PITPNM2: variants seen among roughly 807,000 people sequenced by gnomAD.
PITPNM2 encodes membrane-associated phosphatidylinositol transfer protein 2.
In PITPNM2, 35 loss-of-function variants were observed where a neutral mutation model predicts 132.2. That is an observed-to-expected ratio of 0.26 (90% CI 0.20 to 0.35). The LOEUF (loss-of-function observed/expected upper bound fraction) is 0.35, where lower values mean the gene tolerates loss of function less well. Ranked by LOEUF, PITPNM2 falls within the 10% of genes least tolerant of loss-of-function variation. PITPNM2 has a pLI of 1.00. For missense variants in PITPNM2, 1,332 were observed against 1,912.0 expected (o/e 0.70, Z 5.66); for synonymous variants, 738 against 799.2 (o/e 0.92, Z 1.29).
intron 1 of PITPNM2, among the ~76,000 whole-genome samples, chr12:123,127,576 C>A (rs1271233637): frequency 6.6e-6 from 1 of 151,568 alleles, no homozygotes. Context: ...TTGCAACCTC[C>A]TATCTGAGAG....
chr12:123,017,798 G>C (rs972998776), intron 3 of PITPNM2, among the ~76,000 whole-genome samples: 2 of 152,174 alleles, frequency 1.3e-5, no homozygotes, highest in African/African-American at 2.4e-5. Flanking sequence ...CATTTACATG[G>C]AAAGTACAGA....
chr12:123,009,856 C>G lies in PITPNM2; in HGVS notation c.637G>C (p.Asp213His). Residue 213 changes from aspartate (D) to histidine (H), a missense_variant, in exon 6 of 26, where the codon GAC becomes CAC. Physicochemically the swap from Asp to His is moderately conservative, Grantham distance 81 (BLOSUM62 -1). Coordinates refer to ENST00000320201, the MANE Select transcript of PITPNM2 (RefSeq NM_020845.3). The surrounding 1 kb of genome is among the most constrained non-coding windows in gnomAD (Gnocchi z 4.8). ...CTGGCATGGGTGTGCTCACCGGTGT[C>G]GTGGATGAACCTCTCGATCTTGGAC... ...MQSKIERFIH[D>H]TGLRRVMVRA... is the part of the protein sequence containing the mutation. The G allele has an allele frequency of 1.2e-6, 2 of 1,614,032 alleles. No homozygotes were observed. Among genetic ancestry groups the G allele is most frequent in the South Asian group, 2.2e-5 (2 of 91,066 alleles).
intron 18 of PITPNM2, among the ~76,000 whole-genome samples, chr12:122,989,552 C>T (rs1394919886): frequency 1.3e-5 from 2 of 152,168 alleles, no homozygotes; most frequent in African/African-American, 4.8e-5. Context: ...CAGCTTTCCC[C>T]GGAGCTTCCT....
rs2043730491 is a variant in PITPNM2 at position 123,150,961 on chromosome 12, C to T, written c.-408G>A. On this transcript the variant is annotated 5_prime_UTR_variant, in exon 1 of 26. In the 5' UTR this introduces an upstream ATG that the reference lacks. Coordinates refer to ENST00000320201, the MANE Select transcript of PITPNM2 (RefSeq NM_020845.3). The surrounding 1 kb of genome is among the most constrained non-coding windows in gnomAD (Gnocchi z 6.0). ...GTCGCAGGCGGGCGGCGGCGGCGCA[C>T]GTGCTGGCGGGCGGCTCTCGCTGAG... 7.0e-6 allele frequency among the ~76,000 whole-genome samples: 1 copy of T among 143,432 alleles called. No homozygotes were observed. Among genetic ancestry groups the T allele is most frequent in the South Asian group, 2.2e-4 (1 of 4,596 alleles). 94.1% of individuals were successfully genotyped at this position (143,432 alleles called of 152,430 possible).
intron 14 of PITPNM2, 138 bp downstream of exon 14, chr12:122,995,251 T>A: frequency 2.3e-6 from 3 of 1,299,884 alleles, no homozygotes; most frequent in Non-Finnish European, 3.1e-6. Flanking sequence ...GGGCCCAGAC[T>A]GGGATTCCAG....
rs760104484 is a variant in PITPNM2, at chr12:122,986,559, G to A, written c.3603C>T (p.His1201=). The change falls in exon 25 of 26, where the codon CAC becomes CAT. Residue 1201 remains histidine, a synonymous_variant. Coordinates refer to ENST00000320201, the MANE Select transcript of PITPNM2 (RefSeq NM_020845.3). ...NFLKLLISEL[H]LRVHAAYGST... ...AGCCATAGGCCGCGTGCACGCGCAG[G>A]TGCAGCTGTGGGGAGACTGGCATGG... is the stretch of plus-strand genomic sequence containing the variant. 5 of 1,598,092 alleles carry A rather than the reference G, an allele frequency of 3.1e-6. No individual in the cohort carries two copies. The highest frequency in any genetic ancestry group is 2.7e-5 in the African/African-American group (2 of 74,732).
chr12:123,065,356 C>T (rs759878388), intron 2 of PITPNM2, among the ~76,000 whole-genome samples: 1 of 152,250 alleles, frequency 6.6e-6, no homozygotes, highest in Non-Finnish European at 1.5e-5. Context: ...AGCATGAGAG[C>T]CACCTGGTGC....
chr12:123,128,264 C>CAAAAAAAAAAAA (rs1170397011), intron 1 of PITPNM2, among the ~76,000 whole-genome samples: 1 of 22,752 alleles, frequency 4.4e-5, no homozygotes. Context: ...CCCATCTCTA[C>CAAAAAAAAAAAA]AAAAAAAAAA....
intron 3 of PITPNM2, among the ~76,000 whole-genome samples, chr12:123,020,899 G>T (rs1475588420): frequency 1.3e-5 from 2 of 151,708 alleles, no homozygotes; most frequent in Non-Finnish European, 2.9e-5. Context: ...GCGTGGTGGT[G>T]GGTGCCACTA....
chr12:123,065,142 G>A (rs1350528989), intron 2 of PITPNM2, among the ~76,000 whole-genome samples: 1 of 152,368 alleles, frequency 6.6e-6, no homozygotes, highest in Non-Finnish European at 1.5e-5. Context: ...CAACTGCAGT[G>A]CTGAGCCTGG....
intron 5 of PITPNM2, among the ~76,000 whole-genome samples, chr12:123,011,036 CA>C (rs2136238822): frequency 6.6e-6 from 1 of 152,328 alleles, no homozygotes; most frequent in South Asian, 2.1e-4. Flanking sequence ...CTTATGATCA[CA>C]GGCTTCCCCT....
chr12:123,112,827 TGCACCCAGCC>T (rs1566298848), intron 1 of PITPNM2, among the ~76,000 whole-genome samples: 1 of 152,144 alleles, frequency 6.6e-6, no homozygotes, highest in Non-Finnish European at 1.5e-5. Context: ...CGTGAGCCAC[TGCACCCAGCC>T]TAAATCTTCA....
chr12:123,001,861 T>C (rs2038695628), intron 8 of PITPNM2, among the ~76,000 whole-genome samples: 1 of 151,852 alleles, frequency 6.6e-6, no homozygotes, highest in South Asian at 2.1e-4. Context: ...TGAAATCCCG[T>C]CTCTACTAAA....
chr12:122,997,717 G>C, intron 10 of PITPNM2, 145 bp from the exon 11 acceptor site: 1 of 1,172,582 alleles, frequency 8.5e-7, no homozygotes, highest in Non-Finnish European at 1.2e-6. Context: ...CTCATGCCTG[G>C]AGCCTGGGGT....
At chr12:122,989,641 C>A in intron 18 of PITPNM2, 146 bp downstream of exon 18, 1 of 749,506 alleles carries the variant, frequency 1.3e-6, no homozygotes, top group Non-Finnish European at 1.9e-6. Flanking sequence ...CAGCTCCCAC[C>A]TCCTCCCTAG....
chr12:123,068,271 T>G (rs190515020), intron 2 of PITPNM2, among the ~76,000 whole-genome samples: 2 of 151,846 alleles, frequency 1.3e-5, no homozygotes, highest in African/African-American at 2.4e-5. Context: ...ATCGAGAACA[T>G]CCTGGCTAAC....
intron 13 of PITPNM2, 140 bp downstream of exon 13, chr12:122,996,318 G>T: frequency 8.3e-7 from 1 of 1,199,440 alleles, no homozygotes; most frequent in East Asian, 2.5e-5. Flanking sequence ...GTCCAAGCCA[G>T]ATGGACTCAG....
chr12:123,121,719 A>G (rs761615112), intron 1 of PITPNM2, among the ~76,000 whole-genome samples: 5 of 150,430 alleles, frequency 3.3e-5, no homozygotes, highest in Non-Finnish European at 7.4e-5. Context: ...CTTTAACATA[A>G]TTTTTTTTTA....
chr12:123,132,382 G>A (rs2043284819), intron 1 of PITPNM2, among the ~76,000 whole-genome samples: 2 of 152,142 alleles, frequency 1.3e-5, no homozygotes, highest in Non-Finnish European at 2.9e-5. Context: ...CCCAGTGTCT[G>A]GGAAAGCCAG....
Sources: gnomAD v4.1 joint callset for allele counts (sites outside exome capture counted in the v4.1 genomes callset) on GRCh38, gnomAD v4.1.1 for gene constraint, Gnocchi (gnomAD v3.1) non-coding constraint, MANE v1.5 for transcripts, NCBI Gene and HGNC (gene_info 2026-07-23, HGNC 2026-07-21) for gene names.